SETD3: variants seen among roughly 807,000 people sequenced by gnomAD.
The protein encoded by SETD3 is SET domain containing 3, actin N3(tau)-histidine methyltransferase.
In SETD3, 19 loss-of-function variants were observed where a neutral mutation model predicts 63.0. The ratio of observed to expected loss-of-function variants is 0.30; its 90% CI spans 0.21 to 0.44. The LOEUF (loss-of-function observed/expected upper bound fraction) is 0.44, where lower values mean the gene tolerates loss of function less well. Ranked by LOEUF, SETD3 falls within the 20% of genes least tolerant of loss-of-function variation. SETD3 has a pLI of 1.00. For synonymous variants in SETD3, 286 were observed against 264.1 expected, an observed-to-expected ratio of 1.08 and a Z score of -0.80; for missense variants, 587 against 728.5, an observed-to-expected ratio of 0.81 and a Z score of 2.24.
intron 11 of SETD3, among the ~76,000 whole-genome samples, chr14:99,403,394 T>C (rs751273106): frequency 2.6e-5 from 4 of 152,028 alleles, no homozygotes; most frequent in Non-Finnish European, 4.4e-5. Context: ...CAGACTGTTC[T>C]GTACAGGATT....
intron 6 of SETD3, among the ~76,000 whole-genome samples, chr14:99,430,232 TATGCACACACAC>T (rs1424538605): frequency 6.6e-6 from 1 of 152,164 alleles, no homozygotes; most frequent in Non-Finnish European, 1.5e-5. Context: ...GGTGCACAGA[TATGCACACACAC>T]ATGCACAATG....
At chr14:99,422,499 G>C (rs939847812) in intron 6 of SETD3, among the ~76,000 whole-genome samples, 1 of 152,182 alleles carries the variant, frequency 6.6e-6, no homozygotes, top group African/African-American at 2.4e-5. Flanking sequence ...AGTAGTCTAT[G>C]AGGAGCTCAT....
chr14:99,471,853 G>A (rs1395416803), intron 1 of SETD3, among the ~76,000 whole-genome samples: 4 of 152,154 alleles, frequency 2.6e-5, no homozygotes, highest in Non-Finnish European at 5.9e-5. Flanking sequence ...AAAGCTCCAT[G>A]GGCACTTGTG....
intron 6 of SETD3, among the ~76,000 whole-genome samples, chr14:99,449,057 T>C (rs1894301928): frequency 6.6e-6 from 1 of 152,190 alleles, no homozygotes; most frequent in Non-Finnish European, 1.5e-5. Flanking sequence ...GATTACATAG[T>C]CTATCAAATA....
upstream of SETD3, among the ~76,000 whole-genome samples, chr14:99,485,079 A>C (rs554545459): frequency 7.6e-4 from 116 of 152,338 alleles, no homozygotes; most frequent in African/African-American, 2.8e-3. Context: ...TATAGACCTG[A>C]GGCAAAAACT....
intron 6 of SETD3, among the ~76,000 whole-genome samples, chr14:99,456,725 A>C (rs1894782496): frequency 6.6e-6 from 1 of 152,232 alleles, no homozygotes; most frequent in Non-Finnish European, 1.5e-5. Context: ...CATCTATATG[A>C]ACAGAGTATT....
chr14:99,485,552 C>T (rs2139847730), upstream of SETD3, among the ~76,000 whole-genome samples: 1 of 152,318 alleles, frequency 6.6e-6, no homozygotes, highest in African/African-American at 2.4e-5. Context: ...CTTGTTCTGA[C>T]TCCTCTAGTG....
chr14:99,450,254 A>G (rs1372466196), intron 6 of SETD3, among the ~76,000 whole-genome samples: 1 of 152,248 alleles, frequency 6.6e-6, no homozygotes, highest in Non-Finnish European at 1.5e-5. Context: ...AATTTGGTAC[A>G]CATTCCTGAA....
intron 8 of SETD3, chr14:99,410,359 A>ATT (rs1032812314): frequency 2.6e-6 from 3 of 1,170,740 alleles, no homozygotes; most frequent in African/African-American, 3.2e-5. Flanking sequence ...AATGTTTTAG[A>ATT]TTTTTTTTTC....
At chr14:99,409,933 C>A (rs1891887227) in intron 8 of SETD3, 2 of 358,716 alleles carry the variant, frequency 5.6e-6, no homozygotes, top group Non-Finnish European at 5.1e-6. Context: ...AACAGACCCT[C>A]CCCCAAAATC....
upstream of SETD3, among the ~76,000 whole-genome samples, chr14:99,483,999 C>G (rs10145006): frequency 0.5 from 75,934 of 152,070 alleles, 19,556 homozygotes; most frequent in Non-Finnish European, 0.58. Context: ...TAGGCCAGAA[C>G]TGGCCAGATA....
chr14:99,399,741 ATTTT>A (rs150317244), intron 12 of SETD3, among the ~76,000 whole-genome samples: 2,725 of 127,696 alleles, frequency 0.021, 297 homozygotes, highest in South Asian at 0.04. Context: ...CTTTCATTAA[ATTTT>A]TTTTTTTTTT....
Position 99,432,222 on chromosome 14 carries a change from C to T in SETD3, c.676-18288G>A, listed in dbSNP as rs550527095. Among the ~76,000 whole-genome samples the T allele has an allele frequency of 6.6e-5, 10 of 152,232 alleles. No homozygotes were observed. In the South Asian group the frequency reaches 8.3e-4, roughly 13 times the overall value. On this transcript the variant is annotated intron_variant, in intron 6 of 12. Transcript: ENST00000331768. ...TGGCAAATGTCCAGTTAGTTAATCA[C>T]GGCACTGAGTGCAAAGAACCCGTAA...
intron 6 of SETD3, among the ~76,000 whole-genome samples, chr14:99,433,691 C>T (rs1276927461): frequency 6.6e-6 from 1 of 152,154 alleles, no homozygotes; most frequent in African/African-American, 2.4e-5. Context: ...CCTGCCTTGG[C>T]CTCTGAAAGT....
chr14:99,413,762 G>T, intron 7 of SETD3, 114 bp downstream of exon 7: 1 of 921,858 alleles, frequency 1.1e-6, no homozygotes, highest in Non-Finnish European at 1.7e-6. Flanking sequence ...CTGTTTGGAT[G>T]CTTTAACGGT....
intron 8 of SETD3, chr14:99,409,950 C>T (rs527718543): frequency 1.3e-5 from 5 of 377,678 alleles, no homozygotes; most frequent in South Asian, 6.0e-5. Context: ...AATCACCCTG[C>T]GTTCATGGAT....
At chr14:99,464,991 C>T (rs967235208) in intron 2 of SETD3, among the ~76,000 whole-genome samples, 3 of 152,108 alleles carry the variant, frequency 2.0e-5, no homozygotes, top group Non-Finnish European at 4.4e-5. Context: ...AAAAAATTAG[C>T]TGGGCGTGGT....
chr14:99,435,758 T>TG (rs1893446162), intron 6 of SETD3, among the ~76,000 whole-genome samples: 1 of 150,860 alleles, frequency 6.6e-6, no homozygotes, highest in African/African-American at 2.4e-5. Context: ...TTTTTTTTTT[T>TG]TGTAAGTATG....
chr14:99,471,228 G>C (rs1375262516), intron 1 of SETD3, among the ~76,000 whole-genome samples: 1 of 152,170 alleles, frequency 6.6e-6, no homozygotes, highest in Non-Finnish European at 1.5e-5. Context: ...AAAATTTGTT[G>C]AGTAAAAGAA....
Sources: allele counts gnomAD v4.1 joint callset (sites outside exome capture counted in the v4.1 genomes callset), GRCh38; gene constraint gnomAD v4.1.1; transcripts MANE v1.5; gene names NCBI Gene and HGNC (gene_info 2026-07-23, HGNC 2026-07-21).